Variants in MTBP observed in about 807,000 individuals in gnomAD.
The protein encoded by MTBP is MDM2 binding protein, also known as mdm2-binding protein.
A neutral mutation model predicts 117.0 loss-of-function variants in MTBP; 101 were observed. The observed-to-expected ratio is 0.86, with a 90% CI of 0.73 to 1.02. The LOEUF is 1.02. Among genes scored for constraint, MTBP ranks in the 50% least tolerant of loss-of-function variants. MTBP has a pLI of 0.00. For missense variants in MTBP, 970 were observed against 1,030.9 expected, an observed-to-expected ratio of 0.94 and a Z score of 0.81; for synonymous variants, 350 against 351.5, an observed-to-expected ratio of 1.00 and a Z score of 0.05.
intron 13 of MTBP, among the ~76,000 whole-genome samples, chr8:120,491,467 GT>G (rs1445480234): frequency 6.6e-6 from 1 of 151,692 alleles, no homozygotes. Context: ...TTGGTGTGTT[GT>G]TTTTTTTAAC....
In MTBP at chr8:120,445,819, G is replaced by A. The variant is rs371257683; in HGVS notation, c.118+231G>A. On this transcript the variant is annotated intron_variant, in intron 1 of 21. Coordinates refer to ENST00000305949, the MANE Select transcript of MTBP (RefSeq NM_022045.5). ...CTTAGAAGTTCTTGGCATAGTAAAT[G>A]TTTAACTTAATAAATTTTCTATGCC... Among the ~76,000 whole-genome samples the A allele has an allele frequency of 8.1e-4, 123 of 152,226 alleles. 1 individual carries two copies. Among genetic ancestry groups the A allele is most frequent in the African/African-American group, 2.8e-3 (116 of 41,542 alleles).
chr8:120,450,986 G>A lies in MTBP; in HGVS notation c.200-17G>A, dbSNP rs776084403. On this transcript the variant is annotated splice_polypyrimidine_tract_variant and intron_variant, in intron 2 of 21. Coordinates refer to ENST00000305949, the MANE Select transcript of MTBP (RefSeq NM_022045.5). ...TATGGTATGCCTTTTTAATAATAAT[G>A]TGGTTTTATTTTCAAGCCTGTTCAG... The A allele has an allele frequency of 1.1e-5, 17 of 1,592,570 alleles. No homozygotes were observed. The South Asian group carries it at 1.9e-4, about 18-fold the overall frequency.
At chr8:120,499,746 A>T (rs1357843623) in intron 14 of MTBP, among the ~76,000 whole-genome samples, 1 of 152,226 alleles carries the variant, frequency 6.6e-6, no homozygotes, top group Non-Finnish European at 1.5e-5. Flanking sequence ...AGTATGTAGA[A>T]AATGGCTAAT....
In MTBP at chr8:120,502,533, A is replaced by G. The variant is rs763300058; in HGVS notation, c.1651A>G (p.Thr551Ala). Reference protein sequence around the residue: ...VEPNSSSLMETNPLEWPERHV... With the variant: ...VEPNSSSLMEANPLEWPERHV... ...ACCTAATTCCTCAAGTCTAATGGAA[A>G]CCAATCCTCTGGAATGGCCAGAAAG... Residue 551 changes from threonine to alanine, a missense_variant, in exon 15 of 22, where the codon ACC becomes GCC. Thr to Ala is a moderately conservative substitution (Grantham distance 58). Transcript: ENST00000305949. 1 of 1,607,430 alleles carries G rather than the reference A, an allele frequency of 6.2e-7. No homozygotes were observed.
intron 11 of MTBP, among the ~76,000 whole-genome samples, chr8:120,476,117 A>T (rs1813931981): frequency 6.6e-6 from 1 of 152,208 alleles, no homozygotes; most frequent in African/African-American, 2.4e-5. Flanking sequence ...TCTAAAGGCC[A>T]TGCATGATTT....
chr8:120,471,953 G>A (rs969215174), intron 11 of MTBP: 5 of 152,110 alleles, frequency 3.3e-5, no homozygotes, highest in Non-Finnish European at 7.3e-5. Context: ...GGTGATTCTG[G>A]CTTAGAATGT....
At chr8:120,457,955 A>AG (rs1264463855) in intron 7 of MTBP, among the ~76,000 whole-genome samples, 2 of 151,712 alleles carry the variant, frequency 1.3e-5, no homozygotes, top group African/African-American at 4.8e-5. Flanking sequence ...CAAGAAAAAA[A>AG]AAAAAAACCC....
At chr8:120,509,660 CAT>C (rs1176924606) in intron 16 of MTBP, among the ~76,000 whole-genome samples, 1 of 152,108 alleles carries the variant, frequency 6.6e-6, no homozygotes, top group Non-Finnish European at 1.5e-5. Flanking sequence ...CATTATAAAT[CAT>C]ATTGCATTTT....
chr8:120,496,133 T>G (rs1225590202), intron 13 of MTBP, among the ~76,000 whole-genome samples: 1 of 152,184 alleles, frequency 6.6e-6, no homozygotes, highest in African/African-American at 2.4e-5. Flanking sequence ...CTGTCAGAGC[T>G]AGGCAACTGC....
chr8:120,459,692 T>G (rs1350155810), intron 8 of MTBP, among the ~76,000 whole-genome samples: 1 of 152,060 alleles, frequency 6.6e-6, no homozygotes, highest in Non-Finnish European at 1.5e-5. Flanking sequence ...TAAACCTGGG[T>G]TTGGAACCTA....
At position 120,486,364 on chromosome 8, in the gene MTBP, C is replaced by G. The variant is rs377393609; in HGVS notation, c.1166-1795C>G. Among the ~76,000 whole-genome samples, 213 of 152,248 alleles carry G rather than the reference C, an allele frequency of 1.4e-3. 3 individuals are homozygous for G. The highest frequency in any genetic ancestry group is 4.8e-3 in the African/African-American group (201 of 41,560). ...TCCCCTGGGCAAAATCTCTGAGCCACTACTTCGGTAGCTGGGCCGGCATGT... is the reference window on the plus strand; with the variant it reads ...TCCCCTGGGCAAAATCTCTGAGCCAGTACTTCGGTAGCTGGGCCGGCATGT... On this transcript the variant is annotated intron_variant, in intron 11 of 21. Transcript: ENST00000305949.
chr8:120,484,227 T>C (rs1814161525), intron 11 of MTBP, among the ~76,000 whole-genome samples: 1 of 152,164 alleles, frequency 6.6e-6, no homozygotes. Context: ...CACTGTATCT[T>C]TTGGCAAACC....
chr8:120,478,103 C>T (rs553264036), intron 11 of MTBP, among the ~76,000 whole-genome samples: 240 of 152,136 alleles, frequency 1.6e-3, no homozygotes, highest in African/African-American at 5.5e-3. Flanking sequence ...GTCCTTTGCA[C>T]GGACATGGAT....
intron 11 of MTBP, among the ~76,000 whole-genome samples, chr8:120,483,443 A>G (rs1348306664): frequency 6.6e-6 from 1 of 152,146 alleles, no homozygotes; most frequent in Non-Finnish European, 1.5e-5. Flanking sequence ...TACCCAGAAT[A>G]TCCTGTTTCC....
Position 120,488,239 on chromosome 8 carries a change from A to C in MTBP, c.1246A>C (p.Thr416Pro). 6.3e-7 allele frequency: 1 copy of C among 1,595,842 alleles called. No homozygotes were observed. Among genetic ancestry groups the C allele is most frequent in the Non-Finnish European group, 8.5e-7 (1 of 1,173,536 alleles). The change falls in exon 12 of 22, where the codon ACA becomes CCA. Residue 416 changes from threonine to proline, a missense_variant. Thr to Pro is a conservative substitution (Grantham distance 38). Transcript: ENST00000305949. ...QGNGNRRCKA[T>P]LIHSANQING... ...TAATGGCAATAGAAGATGTAAAGCC[A>C]CATTGATTCACTCAGCCAACCAGAT... is the stretch of plus-strand genomic sequence containing the variant.
At chr8:120,511,053 T>C (rs1211564033) in intron 17 of MTBP, among the ~76,000 whole-genome samples, 1 of 152,224 alleles carries the variant, frequency 6.6e-6, no homozygotes, top group African/African-American at 2.4e-5. Context: ...TTAAATTGTT[T>C]TGTGAACAAC....
chr8:120,483,513 A>G (rs190390369), intron 11 of MTBP, among the ~76,000 whole-genome samples: 63 of 152,236 alleles, frequency 4.1e-4, no homozygotes, highest in Admixed American at 9.2e-4. Flanking sequence ...TATCCTTTAG[A>G]TTATTATAAT....
In MTBP at chr8:120,497,500, C is replaced by G; in HGVS notation, c.1555C>G (p.Pro519Ala). The change falls in exon 14 of 22, where the codon CCT becomes GCT. Residue 519 changes from proline to alanine, a missense_variant. Transcript: ENST00000305949. ...TTTAGATTATTTTGATGCTGTGATT[C>G]CTAAAATGATTCTAAGAAAGATGGA... ...HFLDYFDAVIPKMILRKMDKI... is the reference protein window; with the variant it reads ...HFLDYFDAVIAKMILRKMDKI... The G allele has an allele frequency of 2.5e-6, 4 of 1,580,534 alleles. 1 individual carries two copies. In the South Asian group the frequency reaches 4.6e-5, roughly 18 times the overall value.
At chr8:120,496,066 A>G (rs941955299) in intron 13 of MTBP, among the ~76,000 whole-genome samples, 1 of 152,216 alleles carries the variant, frequency 6.6e-6, no homozygotes, top group African/African-American at 2.4e-5. Context: ...TTTTAGATCT[A>G]TGGCCAAGTT....
Sources: gnomAD v4.1 joint callset for allele counts (sites outside exome capture counted in the v4.1 genomes callset) on GRCh38, gnomAD v4.1.1 for gene constraint, MANE v1.5 for transcripts, NCBI Gene and HGNC (gene_info 2026-07-23, HGNC 2026-07-21) for gene names.